The following TSHZ3 variants were observed in gnomAD, a reference collection of about 807,000 sequenced individuals.
The protein encoded by TSHZ3 is teashirt zinc finger homeobox 3.
TSHZ3 carries 10 observed loss-of-function variants against 64.5 expected under a neutral mutation model. The observed-to-expected ratio is 0.16, with a 90% confidence interval of 0.10 to 0.26. The LOEUF (loss-of-function observed/expected upper bound fraction) is 0.26, where lower values mean the gene tolerates loss of function less well. TSHZ3 is among the 10% of genes least tolerant of loss of function. The probability of loss-of-function intolerance (pLI) is 1.00; values close to 1 mark genes in which losing one functional copy is unlikely to be tolerated. For missense variants in TSHZ3, 1,242 were observed against 1,421.7 expected (o/e 0.87, Z 2.03); for synonymous variants, 608 against 593.1 (o/e 1.03, Z -0.36).
intron 1 of TSHZ3, among the ~76,000 whole-genome samples, chr19:31,267,893 C>A (rs968695354): frequency 7.2e-5 from 11 of 152,090 alleles, no homozygotes; most frequent in African/African-American, 2.7e-4. Context: ...GTCATCTGTT[C>A]AATGGTCACA....
intron 1 of TSHZ3, among the ~76,000 whole-genome samples, chr19:31,337,680 G>A (rs1311420279): frequency 6.6e-6 from 1 of 151,466 alleles, no homozygotes; most frequent in East Asian, 1.9e-4. Context: ...GCTGAATGCA[G>A]TGCAAAGTGT....
intron 1 of TSHZ3, among the ~76,000 whole-genome samples, chr19:31,333,781 C>G (rs1039642040): frequency 6.6e-6 from 1 of 152,110 alleles, no homozygotes; most frequent in African/African-American, 2.4e-5. Flanking sequence ...TTGGCCAGCG[C>G]GTTCCCGTTA....
intron 5 of TSHZ3, among the ~76,000 whole-genome samples, chr19:31,180,818 C>T (rs1269216716): frequency 6.6e-6 from 1 of 152,182 alleles, no homozygotes; most frequent in East Asian, 1.9e-4. Context: ...GGGCCCGGCC[C>T]TTTATCTGGC....
intron 1 of TSHZ3, among the ~76,000 whole-genome samples, chr19:31,290,070 G>C (rs1394765674): frequency 6.6e-6 from 1 of 152,132 alleles, no homozygotes; most frequent in Admixed American, 6.5e-5. Flanking sequence ...CCTTCTCAGG[G>C]GAACCACACC....
chr19:31,254,630 C>T (rs114155916), intron 1 of TSHZ3, among the ~76,000 whole-genome samples: 2,281 of 152,290 alleles, frequency 0.015, 62 homozygotes, highest in African/African-American at 0.049. Context: ...TCAGGCCATC[C>T]GCCTCTCTGC....
intron 1 of TSHZ3, among the ~76,000 whole-genome samples, chr19:31,321,740 G>A (rs1031247363): frequency 4.6e-5 from 7 of 152,098 alleles, no homozygotes; most frequent in Admixed American, 4.6e-4. Flanking sequence ...AAAGAAGGTA[G>A]TGCTTAATTG....
rs530960780 is a variant in TSHZ3, at chr19:31,279,352, G to A, written c.441C>T (p.Asn147=). 1.0e-4 allele frequency: 169 copies of A among 1,614,160 alleles called. No individual in the cohort carries two copies. The highest frequency in any genetic ancestry group is 9.2e-4 in the African/African-American group (69 of 75,058). The stretch of plus-strand genomic sequence containing the variant: ...TGCTACTGCTGCTGCTGCTGCTGCC[G>A]TTGTTCTTCTCCGAGGAGGGCTGGT... The part of the protein sequence containing the change: ...NLHQPSSEKN[N]GSSSSSSSSS... The change falls in exon 2 of 2, where the codon AAC becomes AAT. Residue 147 remains asparagine (N), a synonymous_variant. Transcript: ENST00000240587. This position sits in a 1 kb window ranked among gnomAD's most constrained non-coding sequence, Gnocchi z 6.4.
At chr19:31,268,675 G>T (rs1375135117) in intron 1 of TSHZ3, among the ~76,000 whole-genome samples, 1 of 152,188 alleles carries the variant, frequency 6.6e-6, no homozygotes, top group Admixed American at 6.5e-5. Flanking sequence ...AGGTGAGCTT[G>T]TGCCACCCGA....
chr19:31,219,789 G>A lies in TSHZ3; in HGVS notation n.686+8216C>T, dbSNP rs191164430. Among the ~76,000 whole-genome samples, 566 of 149,384 alleles carry A rather than the reference G, an allele frequency of 3.8e-3. 3 individuals carry two copies. The highest frequency in any genetic ancestry group is 0.013 in the African/African-American group (514 of 40,926). ...ATAGAGTCCAGAAGTGAATATATAT[G>A]TGTATAGATATATATATGTATATAT... On this transcript the variant is annotated intron_variant and non_coding_transcript_variant, in intron 4 of 6. Coordinates refer to the TSHZ3 transcript ENST00000651361.
intron 4 of TSHZ3, among the ~76,000 whole-genome samples, chr19:31,213,845 A>G (rs888710511): frequency 6.6e-6 from 1 of 152,240 alleles, no homozygotes; most frequent in Non-Finnish European, 1.5e-5. Flanking sequence ...GAATAAGTCT[A>G]CACTCTTTCT....
intron 5 of TSHZ3, among the ~76,000 whole-genome samples, chr19:31,192,737 A>G (rs1974929278): frequency 6.6e-6 from 1 of 152,226 alleles, no homozygotes; most frequent in Non-Finnish European, 1.5e-5. Flanking sequence ...TGCTCATTAG[A>G]TGCCAAGCAA....
At chr19:31,289,595 G>A (rs540562113) in intron 1 of TSHZ3, among the ~76,000 whole-genome samples, 9 of 152,138 alleles carry the variant, frequency 5.9e-5, no homozygotes, top group African/African-American at 1.9e-4. Flanking sequence ...ATTCAGTCCC[G>A]CTCCATCCCA....
chr19:31,214,847 G>T (rs1244687737), intron 4 of TSHZ3, among the ~76,000 whole-genome samples: 1 of 150,244 alleles, frequency 6.7e-6, no homozygotes, highest in Non-Finnish European at 1.5e-5. Context: ...GGCGGAGCTT[G>T]CAGTGAGCGG....
At chr19:31,212,124 A>G (rs1390030912) in intron 4 of TSHZ3, among the ~76,000 whole-genome samples, 1 of 151,998 alleles carries the variant, frequency 6.6e-6, no homozygotes, top group South Asian at 2.1e-4. Flanking sequence ...GTCCCTTACC[A>G]CACATATTGA....
At chr19:31,235,632 CTCTT>C (rs68051505) in intron 3 of TSHZ3, among the ~76,000 whole-genome samples, 32,661 of 119,766 alleles carry the variant, frequency 0.27, 4,246 homozygotes, top group African/African-American at 0.45. Flanking sequence ...TCTTTCTTTC[CTCTT>C]TCTTTCTTTC....
chr19:31,323,987 C>T (rs929598994), intron 1 of TSHZ3, among the ~76,000 whole-genome samples: 2 of 151,654 alleles, frequency 1.3e-5, no homozygotes, highest in Non-Finnish European at 1.5e-5. Context: ...AAGGCATCAC[C>T]GAGGGCTCAG....
At chr19:31,302,371 A>G (rs1236416405) in intron 1 of TSHZ3, among the ~76,000 whole-genome samples, 1 of 152,142 alleles carries the variant, frequency 6.6e-6, no homozygotes, top group East Asian at 1.9e-4. Context: ...ATCATCTCCA[A>G]CCTACTCAAT....
chr19:31,158,205 A>G (rs1349556572), intron 5 of TSHZ3, among the ~76,000 whole-genome samples: 1 of 152,182 alleles, frequency 6.6e-6, no homozygotes, highest in Non-Finnish European at 1.5e-5. Flanking sequence ...AACACTCGAC[A>G]TGTGGCTGGG....
chr19:31,340,551 G>A (rs1235910571), intron 1 of TSHZ3, among the ~76,000 whole-genome samples: 4 of 151,888 alleles, frequency 2.6e-5, no homozygotes, highest in Non-Finnish European at 5.9e-5. Context: ...GAGGGAGGGC[G>A]GGGAAATTCA....
Sources: allele counts gnomAD v4.1 joint callset (sites outside exome capture counted in the v4.1 genomes callset), GRCh38; gene constraint gnomAD v4.1.1; non-coding constraint Gnocchi (gnomAD v3.1); transcripts MANE v1.5; gene names NCBI Gene and HGNC (gene_info 2026-07-23, HGNC 2026-07-21).